The following RAPGEF6 variants were observed in gnomAD, a reference collection of about 807,000 sequenced individuals.
The protein encoded by RAPGEF6 is PDZ domain containing guanine nucleotide exchange factor (GEF) 2.
Under a neutral mutation model 171.4 loss-of-function variants are expected in RAPGEF6, and 56 were observed. The observed-to-expected ratio is 0.33, with a 90% CI of 0.26 to 0.41. The LOEUF is 0.41. RAPGEF6 is among the 10% of genes least tolerant of loss of function. RAPGEF6 has a pLI of 1.00. For missense variants in RAPGEF6, 1,674 were observed against 1,921.4 expected (o/e 0.87, Z 2.41); for synonymous variants, 692 against 650.1 (o/e 1.06, Z -0.98).
intron 16 of RAPGEF6, among the ~76,000 whole-genome samples, chr5:131,477,732 A>ATGATACATGTC (rs1755200694): frequency 6.6e-6 from 1 of 152,158 alleles, no homozygotes; most frequent in Non-Finnish European, 1.5e-5. Flanking sequence ...CTGTCTTTAG[A>ATGATACATGTC]TGATACATGT....
rs1348968318 is a variant in RAPGEF6 at position 131,426,504 on chromosome 5, C to T, written c.*762G>A. The T allele has an allele frequency of 6.6e-6, 1 of 152,240 alleles. No individual in the cohort carries two copies. The highest frequency in any genetic ancestry group is 1.5e-5 in the Non-Finnish European group (1 of 68,002). The allele number at this position is 152,240 out of a possible 1,614,324, so 9.4% of individuals were successfully genotyped here. On this transcript the variant is annotated 3_prime_UTR_variant, in exon 28 of 28. Transcript: ENST00000509018. ...ATTTCATTCTGTGGAAATTAGGGTT[C>T]CCACCCTCCTCCCCAAACTACTCCC...
intron 4 of RAPGEF6, among the ~76,000 whole-genome samples, chr5:131,568,969 T>C (rs1264280432): frequency 6.6e-6 from 1 of 152,126 alleles, no homozygotes; most frequent in Non-Finnish European, 1.5e-5. Flanking sequence ...GAAATTAAGA[T>C]ACAATTCCAT....
At chr5:131,556,318 A>G (rs765017636) in intron 5 of RAPGEF6, among the ~76,000 whole-genome samples, 10 of 152,140 alleles carry the variant, frequency 6.6e-5, no homozygotes, top group Admixed American at 2.6e-4. Flanking sequence ...GTGTGCCTGT[A>G]ATCTCAGCTA....
chr5:131,547,951 G>A, intron 6 of RAPGEF6, 96 bp downstream of exon 6: 1 of 1,344,554 alleles, frequency 7.4e-7, no homozygotes, highest in South Asian at 1.4e-5. Flanking sequence ...CACATACAGA[G>A]CCCAGCATGT....
At chr5:131,459,872 G>A (rs1753793288) in intron 19 of RAPGEF6, among the ~76,000 whole-genome samples, 1 of 152,136 alleles carries the variant, frequency 6.6e-6, no homozygotes, top group South Asian at 2.1e-4. Context: ...AGTTACTTTC[G>A]CTGTGTACTC....
chr5:131,453,286 C>G, intron 20 of RAPGEF6, 109 bp from the exon 21 acceptor site: 1 of 1,444,600 alleles, frequency 6.9e-7, no homozygotes, highest in Non-Finnish European at 9.1e-7. Flanking sequence ...TTCTTTATCA[C>G]AGTGCCAATT....
chr5:131,582,296 A>G (rs907529169), intron 4 of RAPGEF6, among the ~76,000 whole-genome samples: 24 of 152,364 alleles, frequency 1.6e-4, no homozygotes, highest in Non-Finnish European at 2.5e-4. Context: ...CCACAAATAC[A>G]CTGTCAATTA....
chr5:131,608,203 A>G (rs1764721840), intron 1 of RAPGEF6, among the ~76,000 whole-genome samples: 1 of 152,192 alleles, frequency 6.6e-6, no homozygotes, highest in African/African-American at 2.4e-5. Context: ...AAGTAGTTGT[A>G]AGAAAAATCA....
chr5:131,526,607 C>G (rs904693098), intron 6 of RAPGEF6, among the ~76,000 whole-genome samples: 1 of 152,152 alleles, frequency 6.6e-6, no homozygotes, highest in Non-Finnish European at 1.5e-5. Flanking sequence ...AAGAGAAGTT[C>G]TTGGTTCCCT....
intron 4 of RAPGEF6, among the ~76,000 whole-genome samples, chr5:131,570,308 C>T (rs1762201705): frequency 6.6e-6 from 1 of 152,120 alleles, no homozygotes. Context: ...GTTAAATATA[C>T]ACCAGAATGG....
In RAPGEF6 at chr5:131,521,455, A is replaced by C. The variant is rs1207826382; in HGVS notation, c.562T>G (p.Ser188Ala). Residue 188 changes from serine to alanine, a missense_variant, in exon 7 of 28, where the codon TCT (serine) becomes GCT (alanine). By Grantham distance (99) the Ser-to-Ala change is moderately conservative. Coordinates refer to ENST00000509018, the MANE Select transcript of RAPGEF6 (RefSeq NM_016340.6). ...NPHPQVTHVS[S>A]SQSGCSIASD... ...GCAATGCTACAACCAGACTGACTAG[A>C]AGACACATGAGTCACCTGTGGATGA... 4 of 1,612,778 alleles carry C rather than the reference A, an allele frequency of 2.5e-6. No individual in the cohort carries two copies. The highest frequency in any genetic ancestry group is 2.7e-5 in the African/African-American group (2 of 74,868).
chr5:131,484,390 C>T (rs1460324760), intron 15 of RAPGEF6, among the ~76,000 whole-genome samples: 2 of 151,678 alleles, frequency 1.3e-5, no homozygotes, highest in African/African-American at 4.8e-5. Flanking sequence ...CCACACCCAG[C>T]TAATTTTTGT....
rs773720220 is a variant in RAPGEF6, at chr5:131,464,238, T to C, written c.2283A>G (p.Gln761=). 4 of 1,613,272 alleles carry C rather than the reference T, an allele frequency of 2.5e-6. No individual in the cohort carries two copies. Among genetic ancestry groups the C allele is most frequent in the South Asian group, 1.1e-5 (1 of 91,060 alleles). The change falls in exon 18 of 28, where the codon CAA becomes CAG. Residue 761 remains glutamine, a synonymous_variant. Transcript: ENST00000509018. The part of the protein sequence containing the change: ...QVIRVFKVDQ[Q]SCYIIISKDT... ...CTTTACTGATGATAATGTAGCAACT[T>C]TGCTGATCCACTTTGAAAACTCTTA...
intron 17 of RAPGEF6, among the ~76,000 whole-genome samples, chr5:131,471,228 A>T (rs1262393884): frequency 6.6e-6 from 1 of 152,162 alleles, no homozygotes; most frequent in African/African-American, 2.4e-5. Context: ...CTTTGTTCTA[A>T]AAAGAACACT....
intron 22 of RAPGEF6, among the ~76,000 whole-genome samples, chr5:131,444,315 G>T (rs1752557317): frequency 6.6e-6 from 1 of 152,104 alleles, no homozygotes. Context: ...TATCATCTTT[G>T]GTTAGAGCCA....
chr5:131,575,441 C>T (rs1406156203), intron 4 of RAPGEF6, among the ~76,000 whole-genome samples: 2 of 152,114 alleles, frequency 1.3e-5, no homozygotes, highest in Non-Finnish European at 2.9e-5. Flanking sequence ...AGATTTCTTC[C>T]CCATCCGTTA....
At position 131,592,365 on chromosome 5, in the gene RAPGEF6, T is replaced by C. The variant is rs1198759404; in HGVS notation, c.281+18A>G. 6.2e-7 allele frequency: 1 copy of C among 1,612,712 alleles called. No homozygotes were observed. The highest frequency in any genetic ancestry group is 1.7e-5 in the Admixed American group (1 of 59,940). ...TTTAACATTAACTTTGCCTGCCATA[T>C]AGCAAATGTAAACGTACCTGCAAGG... On this transcript the variant is annotated intron_variant, in intron 4 of 27. Coordinates refer to ENST00000509018, the MANE Select transcript of RAPGEF6 (RefSeq NM_016340.6).
intron 4 of RAPGEF6, among the ~76,000 whole-genome samples, chr5:131,573,620 G>A (rs1019614284): frequency 2.6e-5 from 4 of 152,082 alleles, no homozygotes; most frequent in Admixed American, 1.3e-4. Context: ...AGTTCCCCGA[G>A]AGGATTCCCA....
At chr5:131,531,864 C>T (rs951608447) in intron 6 of RAPGEF6, among the ~76,000 whole-genome samples, 2 of 152,042 alleles carry the variant, frequency 1.3e-5, no homozygotes, top group African/African-American at 2.4e-5. Context: ...GAAGAGAGTA[C>T]ATCTCAAATG....
Sources: gnomAD v4.1 joint callset for allele counts (sites outside exome capture counted in the v4.1 genomes callset) on GRCh38, gnomAD v4.1.1 for gene constraint, MANE v1.5 for transcripts, NCBI Gene and HGNC (gene_info 2026-07-23, HGNC 2026-07-21) for gene names.